CEP192: variants seen among roughly 807,000 people sequenced by gnomAD.
CEP192 encodes centrosomal protein 192, also known as centrosomal protein of 192 kDa.
CEP192 carries 151 observed loss-of-function variants against 271.8 expected under a neutral mutation model. That is an observed-to-expected ratio of 0.56 (90% CI 0.49 to 0.64). The LOEUF is 0.64. CEP192 is among the 30% of genes least tolerant of loss of function. CEP192 has a pLI of 0.00. For missense variants in CEP192, 2,910 were observed against 3,020.5 expected, an observed-to-expected ratio of 0.96 and a Z score of 0.86; for synonymous variants, 995 against 1,076.5, an observed-to-expected ratio of 0.92 and a Z score of 1.48.
Position 13,049,762 on chromosome 18 carries a change from T to TA in CEP192, c.2891-2dup. ...CTTACTGGAAAATACCCCTTTCTGATAGATTTGAAAAATACCTCTCCTGAG... is the reference window on the plus strand; with the variant it reads ...CTTACTGGAAAATACCCCTTTCTGATAAGATTTGAAAAATACCTCTCCTGAG... On this transcript the variant is annotated splice_polypyrimidine_tract_variant and splice_region_variant and intron_variant, in intron 16 of 44. Coordinates refer to ENST00000506447, the MANE Select transcript of CEP192 (RefSeq NM_032142.4). The TA allele has an allele frequency of 6.2e-7, 1 of 1,609,144 alleles. No individual in the cohort carries two copies. The highest frequency in any genetic ancestry group is 1.1e-5 in the South Asian group (1 of 89,856).
At position 13,057,449 on chromosome 18, in the gene CEP192, C is replaced by T. The variant is rs987013669; in HGVS notation, c.4109-136C>T. ...TGAGGCTCATGCAACATCAAGGACT[C>T]CTTCATCTGGAGCACTTTGACTCTA... is the stretch of plus-strand genomic sequence containing the variant. On this transcript the variant is annotated intron_variant, in intron 19 of 44. Coordinates refer to ENST00000506447, the MANE Select transcript of CEP192 (RefSeq NM_032142.4). 18 of 894,666 alleles carry T rather than the reference C, an allele frequency of 2.0e-5. No homozygotes were observed. The South Asian group carries it at 2.3e-4, about 11-fold the overall frequency. The allele number at this position is 894,666 out of a possible 1,614,324, so 55.4% of individuals were successfully genotyped here. A position where few individuals can be genotyped will look rare whatever the true frequency, so the allele number is the denominator to read the frequency against.
intron 40 of CEP192, among the ~76,000 whole-genome samples, chr18:13,106,748 T>TACC (rs201473965): frequency 4.1e-4 from 61 of 148,340 alleles, no homozygotes; most frequent in Admixed American, 1.1e-3. Context: ...CCCACACAGC[T>TACC]ACCACCACCA....
chr18:13,051,152 T>G (rs945984470), intron 17 of CEP192, among the ~76,000 whole-genome samples: 4 of 152,258 alleles, frequency 2.6e-5, no homozygotes, highest in African/African-American at 9.6e-5. Context: ...CTCTGTTTGA[T>G]TCTTCATTGT....
chr18:13,056,307 C>A lies in CEP192; in HGVS notation c.3717C>A (p.Asp1239Glu), dbSNP rs776009485. The stretch of plus-strand genomic sequence containing the variant: ...GCACAGTTCACAGCTCTGTGGCTGA[C>A]ATGCAGAACATGCCTGCTGCTGTGC... ...PSSTVHSSVADMQNMPAAVHA... is the reference protein window; with the variant it reads ...PSSTVHSSVAEMQNMPAAVHA... Residue 1239 changes from aspartate (D) to glutamate (E), a missense_variant, in exon 19 of 45, where the codon GAC (aspartate) becomes GAA (glutamate). Transcript: ENST00000506447. 6.2e-7 allele frequency: 1 copy of A among 1,613,876 alleles called. No homozygotes were observed. Among genetic ancestry groups the A allele is most frequent in the Non-Finnish European group, 8.5e-7 (1 of 1,179,706 alleles).
At position 12,992,403 on chromosome 18, in the gene CEP192, T is replaced by C. The variant is rs191296034; in HGVS notation, c.-5+966T>C. Among the ~76,000 whole-genome samples the C allele has an allele frequency of 2.6e-5, 4 of 152,346 alleles. No individual in the cohort carries two copies. In the East Asian group the frequency reaches 7.7e-4, roughly 29 times the overall value. On this transcript the variant is annotated intron_variant, in intron 1 of 44. Coordinates refer to ENST00000506447, the MANE Select transcript of CEP192 (RefSeq NM_032142.4). Reference sequence around the variant, plus strand: ...TTTTAAATGTGTTTAATTGTATACATAGACCTACGATTAATGACTATAGTC... The same window carrying C: ...TTTTAAATGTGTTTAATTGTATACACAGACCTACGATTAATGACTATAGTC...
At chr18:13,098,121 G>A (rs904544753) in intron 36 of CEP192, among the ~76,000 whole-genome samples, 22 of 152,176 alleles carry the variant, frequency 1.4e-4, no homozygotes, top group African/African-American at 3.6e-4. Context: ...CCACAAAACC[G>A]CCATTGTCAT....
chr18:13,042,759 T>C (rs887475914), intron 15 of CEP192, among the ~76,000 whole-genome samples: 4 of 152,222 alleles, frequency 2.6e-5, no homozygotes, highest in Admixed American at 2.6e-4. Flanking sequence ...CTTACATTTG[T>C]TAGATGAGTA....
chr18:13,006,712 T>C (rs1173276575), intron 3 of CEP192, among the ~76,000 whole-genome samples: 1 of 152,196 alleles, frequency 6.6e-6, no homozygotes, highest in Non-Finnish European at 1.5e-5. Flanking sequence ...TGTATGTAGC[T>C]CTTATTTCTC....
At chr18:13,101,062 G>A (rs564246727) in intron 38 of CEP192, among the ~76,000 whole-genome samples, 2 of 152,306 alleles carry the variant, frequency 1.3e-5, no homozygotes, top group South Asian at 4.1e-4. Flanking sequence ...AGTGAAAATC[G>A]TATTTTGATT....
At position 13,034,779 on chromosome 18, in the gene CEP192, A is replaced by T. The variant is rs554971683; in HGVS notation, c.1535-2458A>T. 1.2e-3 allele frequency among the ~76,000 whole-genome samples: 185 copies of T among 148,196 alleles called. 1 individual carries two copies. Among genetic ancestry groups the T allele is most frequent in the Admixed American group, 3.9e-3 (57 of 14,544 alleles). On this transcript the variant is annotated intron_variant, in intron 11 of 44. Coordinates refer to ENST00000506447, the MANE Select transcript of CEP192 (RefSeq NM_032142.4). ...GCTTGCAGTGAGCCGAGATTGCACC[A>T]CTGCCCTCCAGACTAGGCGACAGAG...
Position 13,057,630 on chromosome 18 carries a change from G to T in CEP192, c.4154G>T (p.Cys1385Phe). The T allele has an allele frequency of 6.2e-7, 1 of 1,614,164 alleles. No homozygotes were observed. The highest frequency in any genetic ancestry group is 1.3e-5 in the African/African-American group (1 of 75,054). ...PEELKLPHACCVGIASQTLLS... is the reference protein window; with the variant it reads ...PEELKLPHACFVGIASQTLLS... ...GAGTTGAAGCTTCCTCATGCTTGCTGTGTCGGGATCGCTTCCCAGACCCTC... is the reference window on the plus strand; with the variant it reads ...GAGTTGAAGCTTCCTCATGCTTGCTTTGTCGGGATCGCTTCCCAGACCCTC... The change falls in exon 20 of 45, where the codon TGT becomes TTT. Residue 1385 changes from cysteine (C) to phenylalanine (F), a missense_variant. By Grantham distance (205) the Cys-to-Phe change is radical. Transcript: ENST00000506447.
intron 38 of CEP192, among the ~76,000 whole-genome samples, chr18:13,101,853 G>A (rs1029013558): frequency 6.6e-6 from 1 of 151,738 alleles, no homozygotes; most frequent in African/African-American, 2.4e-5. Context: ...CTCCCAGCCC[G>A]CCCATGCCCC....
intron 1 of CEP192, among the ~76,000 whole-genome samples, 192 bp from the exon 2 acceptor site, chr18:12,999,229 A>G (rs549655198): frequency 3.3e-5 from 5 of 152,298 alleles, no homozygotes; most frequent in Admixed American, 2.6e-4. Context: ...TAAGGTTTCT[A>G]TTCTCATCTA....
intron 21 of CEP192, among the ~76,000 whole-genome samples, chr18:13,066,706 G>C (rs976140206): frequency 7.9e-5 from 12 of 152,260 alleles, no homozygotes; most frequent in African/African-American, 2.9e-4. Flanking sequence ...CATGTGGACA[G>C]TTTTTTCAGT....
intron 30 of CEP192, among the ~76,000 whole-genome samples, chr18:13,086,384 C>A (rs2038897050): frequency 6.6e-6 from 1 of 152,150 alleles, no homozygotes; most frequent in Non-Finnish European, 1.5e-5. Context: ...CTTTGTCTTG[C>A]CTGATTGCCT....
chr18:13,110,681 G>A (rs909212411), intron 40 of CEP192, among the ~76,000 whole-genome samples: 6 of 152,186 alleles, frequency 3.9e-5, no homozygotes, highest in Admixed American at 6.5e-5. Context: ...GGCTGGGGAA[G>A]AAAGAAGCCA....
At chr18:13,083,993 CTT>C (rs1396909958) in intron 30 of CEP192, among the ~76,000 whole-genome samples, 1 of 152,128 alleles carries the variant, frequency 6.6e-6, no homozygotes, top group Non-Finnish European at 1.5e-5. Flanking sequence ...CCTCTGGCAG[CTT>C]CGTCCCAGAG....
At chr18:13,123,251 AT>A (rs559986682) in intron 44 of CEP192, among the ~76,000 whole-genome samples, 157 of 152,118 alleles carry the variant, frequency 1.0e-3, no homozygotes, top group Non-Finnish European at 2.0e-3. Context: ...GCCAGGTTAG[AT>A]TTTTTTTAAA....
intron 30 of CEP192, among the ~76,000 whole-genome samples, chr18:13,076,668 G>A (rs1390897833): frequency 6.6e-6 from 1 of 152,148 alleles, no homozygotes; most frequent in East Asian, 1.9e-4. Context: ...TTACTCGTAC[G>A]TTTCTATGGA....
Sources: gnomAD v4.1 joint callset for allele counts (sites outside exome capture counted in the v4.1 genomes callset) on GRCh38, gnomAD v4.1.1 for gene constraint, MANE v1.5 for transcripts, NCBI Gene and HGNC (gene_info 2026-07-23, HGNC 2026-07-21) for gene names.